Variants in AKT3 observed in about 807,000 individuals in gnomAD.
AKT3 encodes AKT serine/threonine kinase 3.
In AKT3, 15 loss-of-function variants were observed where a neutral mutation model predicts 65.3. That is an observed-to-expected ratio of 0.23 (90% CI 0.15 to 0.35). The LOEUF (loss-of-function observed/expected upper bound fraction) is 0.35, where lower values mean the gene tolerates loss of function less well. Among genes scored for constraint, AKT3 ranks in the 10% least tolerant of loss-of-function variants. The pLI is 1.00. For synonymous variants in AKT3, 206 were observed against 183.8 expected (o/e 1.12, Z -0.98); for missense variants, 243 against 576.5 (o/e 0.42, Z 5.92).
At chr1:243,806,327 T>C (rs1413260314) in intron 2 of AKT3, among the ~76,000 whole-genome samples, 2 of 152,010 alleles carry the variant, frequency 1.3e-5, no homozygotes, top group East Asian at 3.9e-4. Context: ...TGCTATAACA[T>C]GATAGGCATG....
chr1:243,636,883 A>T (rs941401260), intron 6 of AKT3, among the ~76,000 whole-genome samples: 3 of 152,162 alleles, frequency 2.0e-5, no homozygotes, highest in African/African-American at 7.2e-5. Flanking sequence ...AGGGAAACAA[A>T]GTTTCACAAA....
chr1:243,601,957 C>T (rs1335520450), intron 8 of AKT3, among the ~76,000 whole-genome samples: 5 of 152,124 alleles, frequency 3.3e-5, no homozygotes, highest in Non-Finnish European at 7.3e-5. Context: ...CTGTGGTAAG[C>T]CAGCCTTTGT....
chr1:243,580,320 C>G (rs1006407381), intron 8 of AKT3, among the ~76,000 whole-genome samples: 1 of 152,184 alleles, frequency 6.6e-6, no homozygotes, highest in East Asian at 1.9e-4. Context: ...TCCAAGCAAC[C>G]TAGGCCAAGG....
Position 243,597,556 on chromosome 1 carries a change from T to G in AKT3, c.696+16115A>C, listed in dbSNP as rs139833343. ...TCTCACTCTGTTGCCAAGGCTGAAG[T>G]GCAGTCGCATGATGGCTCACTGCAG... On this transcript the variant is annotated intron_variant, in intron 8 of 13. Transcript: ENST00000673466. 1.7e-3 allele frequency among the ~76,000 whole-genome samples: 262 copies of G among 152,328 alleles called. 1 individual carries two copies. The highest frequency in any genetic ancestry group is 3.2e-3 in the Non-Finnish European group (218 of 68,022).
chr1:243,620,972 C>T (rs892223504), intron 6 of AKT3, among the ~76,000 whole-genome samples: 1 of 152,176 alleles, frequency 6.6e-6, no homozygotes, highest in Non-Finnish European at 1.5e-5. Flanking sequence ...TAAATTTACA[C>T]AAACATATTG....
intron 6 of AKT3, among the ~76,000 whole-genome samples, chr1:243,616,287 C>A (rs553817411): frequency 1.3e-3 from 127 of 99,400 alleles, no homozygotes; most frequent in Middle Eastern, 0.012. Context: ...CCAGAGACTA[C>A]AGGTTTAATG....
intron 3 of AKT3, among the ~76,000 whole-genome samples, chr1:243,678,762 G>T (rs1382215232): frequency 6.6e-6 from 1 of 152,092 alleles, no homozygotes; most frequent in Non-Finnish European, 1.5e-5. Flanking sequence ...GTCTCTTTTT[G>T]TATCACATAC....
At chr1:243,810,940 A>C (rs1266865733) in intron 2 of AKT3, among the ~76,000 whole-genome samples, 3 of 152,258 alleles carry the variant, frequency 2.0e-5, no homozygotes, top group African/African-American at 4.8e-5. Flanking sequence ...TTATCTCAAT[A>C]GATGCAGAAA....
intron 3 of AKT3, among the ~76,000 whole-genome samples, chr1:243,686,645 ATATATATTTTTTTTTTTTTT>A (rs1354714245): frequency 4.5e-5 from 1 of 22,008 alleles, no homozygotes; most frequent in Non-Finnish European, 1.1e-4. Context: ...ATATATATAT[ATATATATTTTTTTTTTTTTT>A]TTTTTTTTTT....
At chr1:243,535,154 AT>A (rs1380356212) in intron 12 of AKT3, among the ~76,000 whole-genome samples, 1,621 of 134,262 alleles carry the variant, frequency 0.012, 25 homozygotes, top group African/African-American at 0.055. Context: ...ATTTTAAAAT[AT>A]ATTTTAAAAT....
At chr1:243,695,569 T>C (rs966739541) in intron 3 of AKT3, 22 bp downstream of exon 3, 1 of 1,556,598 alleles carries the variant, frequency 6.4e-7, no homozygotes. Flanking sequence ...ACAAGATGAA[T>C]CAACAATTAT....
At chr1:243,582,255 G>T (rs1014333549) in intron 8 of AKT3, among the ~76,000 whole-genome samples, 2 of 151,678 alleles carry the variant, frequency 1.3e-5, no homozygotes, top group Non-Finnish European at 2.9e-5. Context: ...ACAACTGTGA[G>T]ATACTATGCA....
chr1:243,784,444 C>T (rs1229872059), intron 2 of AKT3, among the ~76,000 whole-genome samples: 1 of 150,346 alleles, frequency 6.7e-6, no homozygotes, highest in Non-Finnish European at 1.5e-5. Context: ...AAAAAAGGAA[C>T]ATAAAACTAT....
chr1:243,805,846 T>A (rs937404613), intron 2 of AKT3, among the ~76,000 whole-genome samples: 6 of 152,220 alleles, frequency 3.9e-5, no homozygotes, highest in African/African-American at 1.4e-4. Flanking sequence ...ATTTTCCATA[T>A]GCTTTCTCTG....
rs1460381259 is a variant in AKT3, at chr1:243,502,556, T to G, written c.*2693A>C. ...ATTCCAGGTTTCAGGGTGTTCCACC[T>G]GCCAGAACCCAAAACTACAACTATG... On this transcript the variant is annotated 3_prime_UTR_variant, in exon 14 of 14. Transcript: ENST00000673466. 1.3e-5 allele frequency: 3 copies of G among 233,136 alleles called. No homozygotes were observed. The highest frequency in any genetic ancestry group is 2.5e-5 in the Non-Finnish European group (3 of 118,026). 14.4% of individuals were successfully genotyped at this position (233,136 alleles called of 1,614,324 possible).
chr1:243,692,130 C>A (rs888980649), intron 3 of AKT3, among the ~76,000 whole-genome samples: 6 of 152,144 alleles, frequency 3.9e-5, no homozygotes, highest in Non-Finnish European at 8.8e-5. Context: ...CAAAAGATAG[C>A]ACCTTAGCAT....
intron 9 of AKT3, among the ~76,000 whole-genome samples, chr1:243,564,137 T>C (rs1673990998): frequency 6.6e-6 from 1 of 152,160 alleles, no homozygotes; most frequent in South Asian, 2.1e-4. Flanking sequence ...CTAATCAACT[T>C]TTCAAAGCAA....
chr1:243,846,471 T>TA (rs1193998870), intron 1 of AKT3, among the ~76,000 whole-genome samples: 3 of 152,144 alleles, frequency 2.0e-5, no homozygotes, highest in African/African-American at 4.8e-5. Context: ...TAGTTGGTGA[T>TA]AGAGTACTGA....
chr1:243,828,979 T>C (rs1694338755), intron 2 of AKT3, among the ~76,000 whole-genome samples: 1 of 152,180 alleles, frequency 6.6e-6, no homozygotes, highest in Admixed American at 6.6e-5. Context: ...GTGATTACGG[T>C]ATCATTTATG....
Sources: allele counts gnomAD v4.1 joint callset (sites outside exome capture counted in the v4.1 genomes callset), GRCh38; gene constraint gnomAD v4.1.1; transcripts MANE v1.5; gene names NCBI Gene and HGNC (gene_info 2026-07-23, HGNC 2026-07-21).